Variants in SNW1 observed in about 807,000 individuals in gnomAD.
SNW1 encodes SNW domain containing 1, also known as SNW domain-containing protein 1.
Under a neutral mutation model 75.6 loss-of-function variants are expected in SNW1, and 9 were observed. The ratio of observed to expected loss-of-function variants is 0.12; its 90% confidence interval spans 0.07 to 0.21. SNW1 has a LOEUF of 0.21. SNW1 is among the 10% of genes least tolerant of loss of function. The pLI, the probability that SNW1 is intolerant of heterozygous loss-of-function variation, is 1.00. For missense variants in SNW1, 409 were observed against 670.9 expected, an observed-to-expected ratio of 0.61 and a Z score of 4.31; for synonymous variants, 200 against 219.1, an observed-to-expected ratio of 0.91 and a Z score of 0.77.
intron 7 of SNW1, 45 bp downstream of exon 7, chr14:77,735,892 T>A: frequency 1.3e-6 from 2 of 1,481,716 alleles, no homozygotes; most frequent in East Asian, 2.3e-5. Context: ...ATAAAATTAA[T>A]AACCATGAGT....
chr14:77,734,781 C>T (rs952004904), intron 8 of SNW1, among the ~76,000 whole-genome samples, 166 bp downstream of exon 8: 1 of 151,742 alleles, frequency 6.6e-6, no homozygotes, highest in African/African-American at 2.4e-5. Context: ...GCCTGGCATA[C>T]TAACATTTCT....
chr14:77,756,562 G>C (rs2080843681), intron 1 of SNW1, among the ~76,000 whole-genome samples: 1 of 152,230 alleles, frequency 6.6e-6, no homozygotes, highest in African/African-American at 2.4e-5. Context: ...ATATTTAAGT[G>C]TCAAGGGTAT....
intron 3 of SNW1, among the ~76,000 whole-genome samples, chr14:77,747,449 C>T (rs1175420608): frequency 4.6e-5 from 7 of 151,366 alleles, no homozygotes; most frequent in South Asian, 4.2e-4. Flanking sequence ...TCTTCCCGGC[C>T]GCCATCCCGT....
chr14:77,738,302 C>T (rs2080690249), intron 5 of SNW1, among the ~76,000 whole-genome samples: 1 of 151,020 alleles, frequency 6.6e-6, no homozygotes, highest in Middle Eastern at 3.5e-3. Flanking sequence ...TTCTGTCCCC[C>T]ACCCCAAAAA....
At chr14:77,723,395 G>A in intron 10 of SNW1, 118 bp from the exon 11 acceptor site, 3 of 743,996 alleles carry the variant, frequency 4.0e-6, no homozygotes, top group Non-Finnish European at 6.9e-6. Context: ...TGTCACCCAG[G>A]CTGGAGTGTA....
rs534395094 is a variant in SNW1, at chr14:77,742,092, C to T, written c.331-3031G>A. On this transcript the variant is annotated intron_variant, in intron 3 of 13. Transcript: ENST00000261531. Reference sequence around the variant, plus strand: ...TGTTGCCCAAGCTGGAGTGCAATGGCGTGATCTCAGCTCATAGCAACCTCC... The same window carrying T: ...TGTTGCCCAAGCTGGAGTGCAATGGTGTGATCTCAGCTCATAGCAACCTCC... 4.2e-4 allele frequency among the ~76,000 whole-genome samples: 64 copies of T among 151,776 alleles called. 1 individual carries two copies. Among genetic ancestry groups the T allele is most frequent in the Non-Finnish European group, 4.6e-4 (31 of 67,928 alleles).
intron 3 of SNW1, among the ~76,000 whole-genome samples, chr14:77,742,414 G>C (rs898921169): frequency 6.6e-6 from 1 of 152,052 alleles, no homozygotes; most frequent in Admixed American, 6.6e-5. Context: ...GCTGGGGAGC[G>C]TTTTCTGAAA....
chr14:77,727,453 T>C (rs2080594504), intron 10 of SNW1, among the ~76,000 whole-genome samples: 1 of 152,234 alleles, frequency 6.6e-6, no homozygotes, highest in South Asian at 2.1e-4. Context: ...AAAGTGGGCA[T>C]CCTTGCCTTC....
At chr14:77,721,921 C>T (rs176966) in intron 11 of SNW1, among the ~76,000 whole-genome samples, 124,710 of 151,922 alleles carry the variant, frequency 0.82, 51,313 homozygotes, top group Middle Eastern at 0.86. Context: ...CTAATTTTTG[C>T]ATTTTTAGTA....
chr14:77,718,264 A>G lies in SNW1; in HGVS notation c.1435T>C (p.Ser479Pro). 6.2e-7 allele frequency: 1 copy of G among 1,613,670 alleles called. No individual in the cohort carries two copies. Among genetic ancestry groups the G allele is most frequent in the South Asian group, 1.1e-5 (1 of 91,064 alleles). ...TNRFVPDKEF[S>P]GSDRRQRGRE... Reference sequence around the variant, plus strand: ...CCTCTCTGTCTACGGTCTGAACCAGAAAACTCCTTGTCGGGAACAAATCTA... The same window carrying G: ...CCTCTCTGTCTACGGTCTGAACCAGGAAACTCCTTGTCGGGAACAAATCTA... The change falls in exon 14 of 14, where the codon TCT becomes CCT. Residue 479 changes from serine to proline, a missense_variant. By Grantham distance (74) the Ser-to-Pro change is moderately conservative. This residue lies in a region of SNW1 where 126 missense variants were observed against 167.6 expected (regional missense o/e 0.75). Transcript: ENST00000261531.
chr14:77,735,452 AT>A (rs200707339), intron 7 of SNW1, among the ~76,000 whole-genome samples: 7,624 of 151,886 alleles, frequency 0.05, 236 homozygotes, highest in Middle Eastern at 0.065. Flanking sequence ...TGCCCAGCTA[AT>A]TTTTTTTAAA....
chr14:77,722,752 AAGGG>A, intron 11 of SNW1: 2 of 376,170 alleles, frequency 5.3e-6, no homozygotes, highest in South Asian at 4.1e-5. Flanking sequence ...CTAAAGAAGA[AAGGG>A]AGAGAAGCAA....
At chr14:77,748,060 G>A (rs1396869836) in intron 3 of SNW1, among the ~76,000 whole-genome samples, 1 of 152,234 alleles carries the variant, frequency 6.6e-6, no homozygotes, top group Non-Finnish European at 1.5e-5. Context: ...ATTTTGTTCT[G>A]TACTAAGAAA....
intron 10 of SNW1, among the ~76,000 whole-genome samples, chr14:77,727,213 C>T (rs1404097889): frequency 6.6e-6 from 1 of 152,056 alleles, no homozygotes; most frequent in Admixed American, 6.6e-5. Flanking sequence ...GCCATCATAC[C>T]CAGCTAATTT....
chr14:77,741,539 C>T (rs2080719106), intron 3 of SNW1, among the ~76,000 whole-genome samples: 1 of 152,042 alleles, frequency 6.6e-6, no homozygotes, highest in Non-Finnish European at 1.5e-5. Flanking sequence ...GCACAAAACA[C>T]GTACTACTGA....
At position 77,732,951 on chromosome 14, in the gene SNW1, G is replaced by C. The variant is rs141136958; in HGVS notation, c.775-350C>G. ...GCTGGGATTACAGGCATGAGCCATC[G>C]AGCCTGGCTAAAATTAAATTTAAAT... On this transcript the variant is annotated intron_variant, in intron 8 of 13. Coordinates refer to ENST00000261531, the MANE Select transcript of SNW1 (RefSeq NM_012245.3). Among the ~76,000 whole-genome samples the C allele has an allele frequency of 8.7e-4, 133 of 152,300 alleles. 2 individuals are homozygous for C. The highest frequency in any genetic ancestry group is 3.1e-3 in the African/African-American group (130 of 41,572).
chr14:77,742,690 T>TAA (rs907336960), intron 3 of SNW1, among the ~76,000 whole-genome samples: 1 of 151,924 alleles, frequency 6.6e-6, no homozygotes, highest in Non-Finnish European at 1.5e-5. Context: ...TTTTTAGGGG[T>TAA]AATACGTTGA....
At position 77,755,028 on chromosome 14, in the gene SNW1, G is replaced by A. The variant is rs748876043; in HGVS notation, c.107C>T (p.Ser36Phe). ...GTACGGGGGAGGTTCTCTTCGGGAG[G>A]AGACCAGTGAGGTCTGCCGTGATCT... ...SQRSRQTSLVSSRREPPPYGY... is the reference protein window; with the variant it reads ...SQRSRQTSLVFSRREPPPYGY... Residue 36 changes from serine to phenylalanine, a missense_variant, in exon 2 of 14, where the codon TCC (serine) becomes TTC (phenylalanine). This residue lies in a region of SNW1 where 73 missense variants were observed against 68.3 expected (regional missense o/e 1.07). Coordinates refer to ENST00000261531, the MANE Select transcript of SNW1 (RefSeq NM_012245.3). 2 of 1,611,802 alleles carry A rather than the reference G, an allele frequency of 1.2e-6. No homozygotes were observed. The highest frequency in any genetic ancestry group is 2.2e-5 in the South Asian group (2 of 90,720).
intron 10 of SNW1, among the ~76,000 whole-genome samples, chr14:77,725,423 T>C (rs897826686): frequency 6.6e-6 from 1 of 152,254 alleles, no homozygotes; most frequent in East Asian, 1.9e-4. Flanking sequence ...TCCTGAAGCA[T>C]GTCCCCAGTG....
Sources: gnomAD v4.1 joint callset for allele counts (sites outside exome capture counted in the v4.1 genomes callset) on GRCh38, gnomAD v4.1.1 for gene constraint, gnomAD v4.1.1 regional missense constraint, MANE v1.5 for transcripts, NCBI Gene and HGNC (gene_info 2026-07-23, HGNC 2026-07-21) for gene names.